The following FAT4 variants were observed in gnomAD, a reference collection of about 807,000 sequenced individuals.
The protein encoded by FAT4 is protocadherin Fat 4.
In FAT4, 84 loss-of-function variants were observed where a neutral mutation model predicts 303.9. The ratio of observed to expected loss-of-function variants is 0.28; its 90% confidence interval spans 0.23 to 0.33. The LOEUF is 0.33. FAT4 is among the 10% of genes least tolerant of loss of function. The probability of loss-of-function intolerance (pLI) is 1.00; values close to 1 mark genes in which losing one functional copy is unlikely to be tolerated. For synonymous variants in FAT4, 2,307 were observed against 2,298.8 expected (o/e 1.00, Z -0.10); for missense variants, 6,005 against 6,146.8 (o/e 0.98, Z 0.77).
intron 8 of FAT4, among the ~76,000 whole-genome samples, chr4:125,441,895 C>G (rs1007971244): frequency 6.6e-6 from 1 of 152,182 alleles, no homozygotes; most frequent in Non-Finnish European, 1.5e-5. Context: ...TATTCTATAT[C>G]TTTGACCAGG....
chr4:125,356,272 T>C (rs1391738955), intron 2 of FAT4, among the ~76,000 whole-genome samples: 3 of 152,006 alleles, frequency 2.0e-5, no homozygotes, highest in East Asian at 3.9e-4. Context: ...AAGTTGGATG[T>C]ATGATAAAGC....
chr4:125,488,864 G>A (rs542790423), intron 17 of FAT4, among the ~76,000 whole-genome samples: 1 of 152,234 alleles, frequency 6.6e-6, no homozygotes, highest in East Asian at 1.9e-4. Flanking sequence ...AAGAAAGCCT[G>A]GGACGTCATC....
At position 125,320,420 on chromosome 4, in the gene FAT4, G is replaced by T; in HGVS notation, c.4009G>T (p.Val1337Phe). 6.2e-7 allele frequency: 1 copy of T among 1,614,056 alleles called. No individual in the cohort carries two copies. Among genetic ancestry groups the T allele is most frequent in the Non-Finnish European group, 8.5e-7 (1 of 1,179,928 alleles). The change falls in exon 2 of 18, where the codon GTT (valine) becomes TTT (phenylalanine). Residue 1337 changes from valine to phenylalanine, a missense_variant. Val to Phe is a conservative substitution (Grantham distance 50, BLOSUM62 -1). Coordinates refer to ENST00000394329, the MANE Select transcript of FAT4 (RefSeq NM_001291303.3). ...GAGAATTGGTGAACTCGTGTCCTCT[G>T]TTACTGCAACTGATTCCGATTCAGG... ...NMRIGELVSS[V>F]TATDSDSGDN...
chr4:125,473,847 A>G (rs1726942188), intron 12 of FAT4, among the ~76,000 whole-genome samples: 1 of 152,044 alleles, frequency 6.6e-6, no homozygotes, highest in African/African-American at 2.4e-5. Context: ...CCAAATGTGA[A>G]AAAAACTCTG....
rs1451962835 is a variant in FAT4 at position 125,320,110 on chromosome 4, T to C, written c.3699T>C (p.Ser1233=). Residue 1233 remains serine, a synonymous_variant, in exon 2 of 18, where the codon TCT becomes TCC. Coordinates refer to ENST00000394329, the MANE Select transcript of FAT4 (RefSeq NM_001291303.3). Reference sequence around the variant, plus strand: ...ATCTGACACAAGTGTTAAGAGTATCTGCCTCAGATGTTGATGAAGGTAATA... The same window carrying C: ...ATCTGACACAAGTGTTAAGAGTATCCGCCTCAGATGTTGATGAAGGTAATA... ...AANLTQVLRV[S]ASDVDEGNNG... 3 of 1,614,076 alleles carry C rather than the reference T, an allele frequency of 1.9e-6. No individual in the cohort carries two copies. The Admixed American group carries it at 5.0e-5, about 27-fold the overall frequency.
Position 125,449,764 on chromosome 4 carries a change from A to G in FAT4, c.8754A>G (p.Glu2918=), listed in dbSNP as rs1725978471. 3.7e-6 allele frequency: 6 copies of G among 1,613,808 alleles called. No homozygotes were observed. The highest frequency in any genetic ancestry group is 5.1e-6 in the Non-Finnish European group (6 of 1,179,876). ...TTTATTTCATAAAATCCCAATCAGA[A>G]TATTTCAGGATTAATGCCACCACTG... ...QVFYFIKSQS[E]YFRINATTGE... is the part of the protein sequence containing the mutation. The change falls in exon 10 of 18, where the codon GAA becomes GAG. Residue 2918 remains glutamate (E), a synonymous_variant. Transcript: ENST00000394329.
In FAT4 at chr4:125,491,293, C is replaced by A. The variant is rs201175893; in HGVS notation, c.14477C>A (p.Ser4826Tyr). The A allele has an allele frequency of 6.2e-7, 1 of 1,614,148 alleles. No homozygotes were observed. Among genetic ancestry groups the A allele is most frequent in the African/African-American group, 1.3e-5 (1 of 75,052 alleles). ...GAGGAGGACTGCAGAAGGCCACTGT[C>A]TAGAACAAGGAATCCAGCGGATGGC... ...SSEEDCRRPL[S>Y]RTRNPADGIP... is the part of the protein sequence containing the mutation. The change falls in exon 18 of 18, where the codon TCT (serine) becomes TAT (tyrosine). Residue 4826 changes from serine (S) to tyrosine (Y), a missense_variant. Ser to Tyr is a moderately radical substitution (Grantham distance 144, BLOSUM62 -2). Transcript: ENST00000394329.
intron 2 of FAT4, among the ~76,000 whole-genome samples, chr4:125,338,354 A>C (rs2125965247): frequency 6.6e-6 from 1 of 152,290 alleles, no homozygotes; most frequent in Admixed American, 6.5e-5. Flanking sequence ...GATAAGTGTT[A>C]ACTAGGACCT....
rs2126028825 is a variant in FAT4 at position 125,416,487 on chromosome 4, C to T, written c.6883C>T (p.Leu2295Phe). The T allele has an allele frequency of 1.2e-6, 2 of 1,613,746 alleles. No individual in the cohort carries two copies. The highest frequency in any genetic ancestry group is 1.7e-6 in the Non-Finnish European group (2 of 1,179,818). Residue 2295 changes from leucine to phenylalanine, a missense_variant, in exon 7 of 18, where the codon CTC (leucine) becomes TTC (phenylalanine). By Grantham distance (22) the Leu-to-Phe change is conservative (BLOSUM62 0). Coordinates refer to ENST00000394329, the MANE Select transcript of FAT4 (RefSeq NM_001291303.3). ...RDDDRGSNSK[L>F]SYVLFGGNED... is the part of the protein sequence containing the mutation. The stretch of plus-strand genomic sequence containing the variant: ...TGATGATCGAGGATCTAACAGCAAA[C>T]TCTCATATGTTCTGTTTGGTGGTAA...
intron 2 of FAT4, among the ~76,000 whole-genome samples, chr4:125,322,929 T>TA (rs1305808850): frequency 1.3e-5 from 2 of 152,074 alleles, no homozygotes; most frequent in African/African-American, 2.4e-5. Flanking sequence ...CCTAATTATT[T>TA]AAAAAATATT....
Position 125,380,858 on chromosome 4 carries a change from A to C in FAT4, c.5176-17926A>C, listed in dbSNP as rs1396511451. ...TTTTGTGCATTTACTGGATATTCTT[A>C]AAATGCAATCATTTATTATATTTCA... On this transcript the variant is annotated intron_variant, in intron 2 of 17. Coordinates refer to ENST00000394329, the MANE Select transcript of FAT4 (RefSeq NM_001291303.3). Among the ~76,000 whole-genome samples, 7 of 152,338 alleles carry C rather than the reference A, an allele frequency of 4.6e-5. No individual in the cohort carries two copies. In the East Asian group the frequency reaches 1.3e-3, roughly 29 times the overall value.
intron 2 of FAT4, among the ~76,000 whole-genome samples, chr4:125,377,733 A>T (rs892331111): frequency 6.6e-6 from 1 of 152,110 alleles, no homozygotes; most frequent in Non-Finnish European, 1.5e-5. Flanking sequence ...ATAAATAATA[A>T]ACAGATTCAA....
intron 2 of FAT4, among the ~76,000 whole-genome samples, chr4:125,335,854 T>TA (rs1445649996): frequency 6.6e-5 from 10 of 151,994 alleles, no homozygotes; most frequent in South Asian, 2.1e-4. Context: ...CTTTATCTGT[T>TA]AAAAAAAGAG....
rs1199506652 is a variant in FAT4, at chr4:125,468,753, G to T, written c.12147G>T (p.Lys4049Asn). 1 of 1,614,052 alleles carries T rather than the reference G, an allele frequency of 6.2e-7. No homozygotes were observed. The change falls in exon 12 of 18, where the codon AAG becomes AAT. Residue 4049 changes from lysine to asparagine, a missense_variant. Physicochemically the swap from Lys to Asn is moderately conservative, Grantham distance 94. Coordinates refer to ENST00000394329, the MANE Select transcript of FAT4 (RefSeq NM_001291303.3). ...FSYNLGSGTY[K>N]LTTMKKVSDG... ...ATAATTTAGGCAGTGGTACATATAA[G>T]CTCACCACCATGAAGAAGGTGTCAG...
At position 125,317,080 on chromosome 4, in the gene FAT4, G is replaced by A. The variant is rs1372393555; in HGVS notation, c.669G>A (p.Glu223=). The A allele has an allele frequency of 1.2e-6, 2 of 1,614,034 alleles. No individual in the cohort carries two copies. Among genetic ancestry groups the A allele is most frequent in the Non-Finnish European group, 1.7e-6 (2 of 1,180,036 alleles). The change falls in exon 2 of 18, where the codon GAG becomes GAA. Residue 223 remains glutamate (E), a synonymous_variant. Transcript: ENST00000394329. The surrounding 1 kb of genome is among the most constrained non-coding windows in gnomAD (Gnocchi z 7.0). The part of the protein sequence containing the change: ...TPQYQLLVEV[E]DKGEPKRRGY... ...AGTACCAGCTCCTGGTTGAGGTGGAGGACAAGGGTGAGCCTAAGCGGCGGG... is the reference window on the plus strand; with the variant it reads ...AGTACCAGCTCCTGGTTGAGGTGGAAGACAAGGGTGAGCCTAAGCGGCGGG...
At chr4:125,356,967 A>C (rs1413235541) in intron 2 of FAT4, among the ~76,000 whole-genome samples, 1 of 151,992 alleles carries the variant, frequency 6.6e-6, no homozygotes, top group Non-Finnish European at 1.5e-5. Flanking sequence ...CCCCTGAGGG[A>C]GTAACTATGT....
At chr4:125,468,468 T>G in intron 11 of FAT4, 44 bp from the exon 12 acceptor site, 1 of 1,329,374 alleles carries the variant, frequency 7.5e-7, no homozygotes, top group South Asian at 2.2e-5. Flanking sequence ...ATAATAAAAT[T>G]TTCATGAAAT....
At chr4:125,359,641 G>A (rs935051019) in intron 2 of FAT4, among the ~76,000 whole-genome samples, 1 of 152,094 alleles carries the variant, frequency 6.6e-6, no homozygotes, top group African/African-American at 2.4e-5. Flanking sequence ...GTTGGTATGA[G>A]TATCATAACC....
At chr4:125,395,840 A>G (rs1363220852) in intron 2 of FAT4, among the ~76,000 whole-genome samples, 1 of 152,188 alleles carries the variant, frequency 6.6e-6, no homozygotes, top group Non-Finnish European at 1.5e-5. Context: ...TAAATTTACT[A>G]TCTCTACTAA....
Sources: gnomAD v4.1 joint callset for allele counts (sites outside exome capture counted in the v4.1 genomes callset) on GRCh38, gnomAD v4.1.1 for gene constraint, Gnocchi (gnomAD v3.1) non-coding constraint, MANE v1.5 for transcripts, NCBI Gene and HGNC (gene_info 2026-07-23, HGNC 2026-07-21) for gene names.